Variants in ERF observed in about 807,000 individuals in gnomAD.
ERF encodes ETS domain-containing transcription factor ERF.
A neutral mutation model predicts 41.6 loss-of-function variants in ERF; 10 were observed. The ratio of observed to expected loss-of-function variants is 0.24; its 90% CI spans 0.15 to 0.41. The LOEUF (loss-of-function observed/expected upper bound fraction) is 0.41. ERF is among the 10% of genes least tolerant of loss of function. The pLI is 1.00. For synonymous variants in ERF, 395 were observed against 342.4 expected (o/e 1.15, Z -1.70); for missense variants, 621 against 763.2 (o/e 0.81, Z 2.19).
rs148577556 is a variant in ERF, at chr19:42,251,686, T to C, written c.23-1121A>G. Among the ~76,000 whole-genome samples the C allele has an allele frequency of 3.3e-3, 508 of 152,182 alleles. 1 individual carries two copies. Among genetic ancestry groups the C allele is most frequent in the Non-Finnish European group, 4.6e-3 (315 of 67,980 alleles). ...GCTGCAGGGGTCAATCCGCCTCCCT[T>C]GGCCCCAGCTCAAACAGGTACCAAC... is the stretch of plus-strand genomic sequence containing the variant. On this transcript the variant is annotated intron_variant, in intron 1 of 3. Transcript: ENST00000222329.
At position 42,250,315 on chromosome 19, in the gene ERF, C is replaced by T; in HGVS notation, c.257+16G>A. On this transcript the variant is annotated intron_variant, in intron 2 of 3. Transcript: ENST00000222329. The surrounding 1 kb of genome is among the most constrained non-coding windows in gnomAD (Gnocchi z 5.1). ...GGCACTCCACATGTGCTCAGGGGTC[C>T]CCAGCCCGTCCTCACCGCAGGGCCC... 1 of 1,611,892 alleles carries T rather than the reference C, an allele frequency of 6.2e-7. No homozygotes were observed. The highest frequency in any genetic ancestry group is 8.5e-7 in the Non-Finnish European group (1 of 1,178,718).
chr19:42,247,959 C>T lies in ERF; in HGVS notation c.*506G>A, dbSNP rs2036356105. 6.5e-6 allele frequency: 1 copy of T among 153,142 alleles called. No homozygotes were observed. The highest frequency in any genetic ancestry group is 1.5e-5 in the Non-Finnish European group (1 of 68,464). The allele number at this position is 153,142 out of a possible 1,614,324, so 9.5% of individuals were successfully genotyped here. On this transcript the variant is annotated 3_prime_UTR_variant, in exon 4 of 4. Coordinates refer to ENST00000222329, the MANE Select transcript of ERF (RefSeq NM_006494.4). Reference sequence around the variant, plus strand: ...TTGTCCCTCCCTCCCCTGCTGTGACCTTGTGGGGTATGAGAAACCTAGGCA... The same window carrying T: ...TTGTCCCTCCCTCCCCTGCTGTGACTTTGTGGGGTATGAGAAACCTAGGCA...
In ERF at chr19:42,248,566, C is replaced by T; in HGVS notation, c.1546G>A (p.Glu516Lys). Residue 516 changes from glutamate (E) to lysine (K), a missense_variant, in exon 4 of 4, where the codon GAG (glutamate) becomes AAG (lysine). By Grantham distance (56) the Glu-to-Lys change is moderately conservative. Around this residue, in one of 3 missense-constraint regions of ERF, gnomAD observed 569 missense variants for 625.5 expected, o/e 0.91. Coordinates refer to ENST00000222329, the MANE Select transcript of ERF (RefSeq NM_006494.4). The surrounding 1 kb of genome is among the most constrained non-coding windows in gnomAD (Gnocchi z 4.2). ...DEGEDKKVRG[E>K]GPGEAGGPLT... ...GGCCCCCCAGCCTCCCCAGGCCCCT[C>T]CCCACGCACCTTCTTGTCCTCACCC... The T allele has an allele frequency of 6.4e-7, 1 of 1,572,208 alleles. No homozygotes were observed. Among genetic ancestry groups the T allele is most frequent in the Non-Finnish European group, 8.6e-7 (1 of 1,159,382 alleles).
intron 1 of ERF, chr19:42,254,714 G>T (rs2036505633): frequency 5.6e-6 from 2 of 358,164 alleles, no homozygotes; most frequent in African/African-American, 2.1e-5. Context: ...GGGAGTGGGG[G>T]AGAGCCCGGC....
rs543273177 is a variant in ERF at position 42,250,789 on chromosome 19, G to A, written c.23-224C>T. 1.1e-3 allele frequency among the ~76,000 whole-genome samples: 173 copies of A among 152,280 alleles called. No individual in the cohort carries two copies. Among genetic ancestry groups the A allele is most frequent in the African/African-American group, 4.0e-3 (166 of 41,566 alleles). The stretch of plus-strand genomic sequence containing the variant: ...AGGGGAAGCTGGAGCCCGCTCCAGC[G>A]ACACCGGGAGAAACAGGAAACCGTC... On this transcript the variant is annotated intron_variant, in intron 1 of 3. Coordinates refer to ENST00000222329, the MANE Select transcript of ERF (RefSeq NM_006494.4). This position sits in a 1 kb window ranked among gnomAD's most constrained non-coding sequence, Gnocchi z 5.1.
chr19:42,249,083 C>G lies in ERF; in HGVS notation c.1029G>C (p.Gln343His). 2 of 1,613,362 alleles carry G rather than the reference C, an allele frequency of 1.2e-6. No homozygotes were observed. Among genetic ancestry groups the G allele is most frequent in the Non-Finnish European group, 1.7e-6 (2 of 1,179,698 alleles). Residue 343 changes from glutamine (Q) to histidine (H), a missense_variant, in exon 4 of 4, where the codon CAG (glutamine) becomes CAC (histidine). Physicochemically the swap from Gln to His is conservative, Grantham distance 24 (BLOSUM62 0). Around this residue, in one of 3 missense-constraint regions of ERF, gnomAD observed 569 missense variants for 625.5 expected, o/e 0.91. Transcript: ENST00000222329. This position sits in a 1 kb window ranked among gnomAD's most constrained non-coding sequence, Gnocchi z 8.6. ...HYPGLVVPQP[Q>H]RPDKCPLPPM... ...GCGGCAGCGGGCACTTGTCAGGGCG[C>G]TGGGGCTGGGGCACCACCAGCCCAG...
At position 42,254,991 on chromosome 19, in the gene ERF, G is replaced by C; in HGVS notation, c.9C>G (p.Thr3=). Residue 3 remains threonine (T), a synonymous_variant, in exon 1 of 4, where the codon ACC becomes ACG. Coordinates refer to ENST00000222329, the MANE Select transcript of ERF (RefSeq NM_006494.4). MK[T]PADTGFAFPD... ...CCCCGCCCCCACCTGTGTCCGCCGG[G>C]GTCTTCATGCTGGGGGGCCCGGGGC... 1.4e-6 allele frequency: 2 copies of C among 1,469,646 alleles called. No individual in the cohort carries two copies. Among genetic ancestry groups the C allele is most frequent in the African/African-American group, 1.5e-5 (1 of 67,402 alleles). 91.0% of individuals were successfully genotyped at this position (1,469,646 alleles called of 1,614,324 possible). A position where few individuals can be genotyped will look rare whatever the true frequency, so the allele number is the denominator to read the frequency against.
Position 42,250,195 on chromosome 19 carries a change from G to T in ERF, c.257+136C>A, listed in dbSNP as rs981333159. On this transcript the variant is annotated intron_variant, in intron 2 of 3. Coordinates refer to ENST00000222329, the MANE Select transcript of ERF (RefSeq NM_006494.4). This position sits in a 1 kb window ranked among gnomAD's most constrained non-coding sequence, Gnocchi z 5.1. The stretch of plus-strand genomic sequence containing the variant: ...TACCAAGGGGCTCAGGGAAGGGCTG[G>T]GAGTGGCCCAAGGTCACACAGCTAG... 2.0e-6 allele frequency: 2 copies of T among 988,416 alleles called. No homozygotes were observed. Among genetic ancestry groups the T allele is most frequent in the Non-Finnish European group, 3.0e-6 (2 of 668,384 alleles). 61.2% of individuals were successfully genotyped at this position (988,416 alleles called of 1,614,324 possible).
At chr19:42,251,183 ACTGT>A in intron 1 of ERF, 9 of 978,564 alleles carry the variant, frequency 9.2e-6, no homozygotes, top group Non-Finnish European at 1.1e-5. Flanking sequence ...TGAAACCCAG[ACTGT>A]CTGAGAGGCC....
At chr19:42,252,530 G>C (rs964005378) in intron 1 of ERF, among the ~76,000 whole-genome samples, 1 of 152,208 alleles carries the variant, frequency 6.6e-6, no homozygotes, top group Non-Finnish European at 1.5e-5. Context: ...GAGGTGGGGG[G>C]GCTCTGGAAA....
rs534018115 is a variant in ERF at position 42,248,901 on chromosome 19, C to A, written c.1211G>T (p.Gly404Val). 7 of 1,607,918 alleles carry A rather than the reference C, an allele frequency of 4.4e-6. No individual in the cohort carries two copies. The South Asian group carries it at 7.7e-5, about 18-fold the overall frequency. Residue 404 changes from glycine (G) to valine (V), a missense_variant, in exon 4 of 4, where the codon GGC (glycine) becomes GTC (valine). Physicochemically the swap from Gly to Val is moderately radical, Grantham distance 109. This residue lies in a region of ERF where 569 missense variants were observed against 625.5 expected (regional missense o/e 0.91). Transcript: ENST00000222329. This position sits in a 1 kb window ranked among gnomAD's most constrained non-coding sequence, Gnocchi z 4.2. The stretch of plus-strand genomic sequence containing the variant: ...CCCCTCAGCCAGCCCGCCTGCACTG[C>A]CACCGCTCTTGTCAGCACCGGCTAC... ...KAVAGADKSG[G>V]SAGGLAEGAG...
Position 42,253,859 on chromosome 19 carries a change from AGCCGCCGCCGCCGCC to A in ERF, c.22+1104_22+1118del, listed in dbSNP as rs528615990. 12 of 1,064,208 alleles carry A rather than the reference AGCCGCCGCCGCCGCC, an allele frequency of 1.1e-5. No individual in the cohort carries two copies. In the African/African-American group the frequency reaches 1.2e-4, roughly 11 times the overall value. The allele number at this position is 1,064,208 out of a possible 1,614,324, so 65.9% of individuals were successfully genotyped here. A position where few individuals can be genotyped will look rare whatever the true frequency, so the allele number is the denominator to read the frequency against. ...GCACACACCCGCACACAGGAGCCCGAGCCGCCGCCGCCGCCGCCGCCGCCGCCGGGGGAAGGAAAC... is the reference window on the plus strand; with the variant it reads ...GCACACACCCGCACACAGGAGCCCGAGCCGCCGCCGCCGGGGGAAGGAAAC... On this transcript the variant is annotated intron_variant, in intron 1 of 3. Transcript: ENST00000222329.
In ERF at chr19:42,250,669, T is replaced by G; in HGVS notation, c.23-104A>C. ...CTGCCCTGCCTTCAACATGGGGAAA[T>G]CTGTCTCACCTCAGCCAAGTCAAGA... On this transcript the variant is annotated intron_variant, in intron 1 of 3. Transcript: ENST00000222329. This position sits in a 1 kb window ranked among gnomAD's most constrained non-coding sequence, Gnocchi z 5.1. 1.8e-6 allele frequency: 2 copies of G among 1,114,228 alleles called. No homozygotes were observed. The highest frequency in any genetic ancestry group is 2.6e-6 in the Non-Finnish European group (2 of 777,118). 69.0% of individuals were successfully genotyped at this position (1,114,228 alleles called of 1,614,324 possible).
In ERF at chr19:42,250,151, C is replaced by T. The variant is rs377095568; in HGVS notation, c.257+180G>A. 3.9e-6 allele frequency: 3 copies of T among 771,786 alleles called. No individual in the cohort carries two copies. Among genetic ancestry groups the T allele is most frequent in the African/African-American group, 3.5e-5 (2 of 57,614 alleles). 47.8% of individuals were successfully genotyped at this position (771,786 alleles called of 1,614,324 possible). The stretch of plus-strand genomic sequence containing the variant: ...GGATCCACTGGTGACTGTAATCTCT[C>T]CTCAGGATACGTCTGTGTTACCAAG... On this transcript the variant is annotated intron_variant, in intron 2 of 3. Coordinates refer to ENST00000222329, the MANE Select transcript of ERF (RefSeq NM_006494.4). This position sits in a 1 kb window ranked among gnomAD's most constrained non-coding sequence, Gnocchi z 5.1.
At position 42,249,939 on chromosome 19, in the gene ERF, A is replaced by G. The variant is rs556023808; in HGVS notation, c.261T>C (p.Tyr87=). 1 of 1,613,954 alleles carries G rather than the reference A, an allele frequency of 6.2e-7. No homozygotes were observed. The highest frequency in any genetic ancestry group is 1.7e-5 in the Admixed American group (1 of 60,006). The stretch of plus-strand genomic sequence containing the variant: ...TGTGCAGAATGCGCTTGTTATAGTA[A>G]TAGCTGTGGGTACAGAAATGCCATT... The part of the protein sequence containing the change: ...NYDKLSRALR[Y]YYNKRILHKT... The change falls in exon 3 of 4, where the codon TAT becomes TAC. Residue 87 remains tyrosine, a synonymous_variant. Transcript: ENST00000222329. The surrounding 1 kb of genome is among the most constrained non-coding windows in gnomAD (Gnocchi z 8.6).
chr19:42,253,933 C>G, intron 1 of ERF: 1 of 1,037,638 alleles, frequency 9.6e-7, no homozygotes, highest in Non-Finnish European at 1.2e-6. Flanking sequence ...CCCCTTCCCC[C>G]TCCCCCGTCC....
chr19:42,254,000 C>T (rs1185496548), intron 1 of ERF: 60 of 958,290 alleles, frequency 6.3e-5, no homozygotes, highest in Non-Finnish European at 7.2e-5. Flanking sequence ...GGGACCCCTC[C>T]CCCTGCGCGC....
At position 42,250,558 on chromosome 19, in the gene ERF, G is replaced by C; in HGVS notation, c.30C>G (p.Ala10=). The part of the protein sequence containing the change: MKTPADTGF[A]FPDWAYKPES... ...CTGGCTTGTAGGCCCAATCCGGGAA[G>C]GCAAACCCTGGGGACGGGAGGCAGG... Residue 10 remains alanine (A), a synonymous_variant, in exon 2 of 4, where the codon GCC becomes GCG. Transcript: ENST00000222329. The surrounding 1 kb of genome is among the most constrained non-coding windows in gnomAD (Gnocchi z 5.1). 6 of 1,613,226 alleles carry C rather than the reference G, an allele frequency of 3.7e-6. No individual in the cohort carries two copies. The highest frequency in any genetic ancestry group is 5.1e-6 in the Non-Finnish European group (6 of 1,179,934).
chr19:42,254,164 G>A (rs2036495395), intron 1 of ERF, among the ~76,000 whole-genome samples: 1 of 151,838 alleles, frequency 6.6e-6, no homozygotes, highest in Non-Finnish European at 1.5e-5. Context: ...AAGTTGGCGG[G>A]GAAGAGAGGG....
Sources: gnomAD v4.1 joint callset for allele counts (sites outside exome capture counted in the v4.1 genomes callset) on GRCh38, gnomAD v4.1.1 for gene constraint, gnomAD v4.1.1 regional missense constraint, Gnocchi (gnomAD v3.1) non-coding constraint, MANE v1.5 for transcripts, NCBI Gene and HGNC (gene_info 2026-07-23, HGNC 2026-07-21) for gene names.